The following TRAPPC11 variants were observed in gnomAD, a reference collection of about 807,000 sequenced individuals.
TRAPPC11 encodes the protein foie gras homolog.
A neutral mutation model predicts 151.2 loss-of-function variants in TRAPPC11; 104 were observed. The observed-to-expected ratio is 0.69, with a 90% CI of 0.59 to 0.81. The LOEUF is 0.81. Ranked by LOEUF, TRAPPC11 falls within the 30% of genes least tolerant of loss-of-function variation. The pLI, the probability that TRAPPC11 is intolerant of heterozygous loss-of-function variation, is 0.00. For missense variants in TRAPPC11, 1,230 were observed against 1,349.6 expected, an observed-to-expected ratio of 0.91 and a Z score of 1.39; for synonymous variants, 456 against 472.3, an observed-to-expected ratio of 0.97 and a Z score of 0.45.
At chr4:183,692,914 A>G (rs1399584480) in intron 19 of TRAPPC11, 46 bp from the exon 20 acceptor site, 2 of 1,526,290 alleles carry the variant, frequency 1.3e-6, no homozygotes, top group South Asian at 2.5e-5. Flanking sequence ...GATGGTGACA[A>G]GCACATATGA....
Position 183,701,716 on chromosome 4 carries a change from G to C in TRAPPC11, c.2871G>C (p.Glu957Asp). Residue 957 changes from glutamate to aspartate, a missense_variant, in exon 26 of 30, where the codon GAG becomes GAC. Physicochemically the swap from Glu to Asp is conservative, Grantham distance 45 (BLOSUM62 2). Transcript: ENST00000334690. ...CTGTAGTTATCTTACAGACTGGAGA[G>C]AGTGCTAGTGAATGCTTTTGTCTTC... The part of the protein sequence containing the change: ...QVDNVILQTG[E>D]SASECFCLQC... The C allele has an allele frequency of 6.2e-7, 1 of 1,613,488 alleles. No individual in the cohort carries two copies.
intron 29 of TRAPPC11, among the ~76,000 whole-genome samples, chr4:183,710,904 G>A (rs915675642): frequency 1.3e-5 from 2 of 151,504 alleles, no homozygotes; most frequent in Admixed American, 6.6e-5. Flanking sequence ...TGTGGTGGGC[G>A]CCTGCAATCC....
intron 17 of TRAPPC11, 21 bp downstream of exon 17, chr4:183,685,424 G>C (rs748346788): frequency 1.3e-6 from 2 of 1,596,404 alleles, no homozygotes; most frequent in Non-Finnish European, 1.7e-6. Flanking sequence ...AACATCTACA[G>C]TACTATTTCA....
chr4:183,661,874 A>G (rs952565289), intron 1 of TRAPPC11, among the ~76,000 whole-genome samples: 2 of 145,720 alleles, frequency 1.4e-5, no homozygotes, highest in African/African-American at 5.1e-5. Flanking sequence ...TGATCCTCCC[A>G]TCTCAGCCTC....
rs907465744 is a variant in TRAPPC11, at chr4:183,679,588, A to T, written c.965+102A>T. On this transcript the variant is annotated intron_variant, in intron 9 of 29. Transcript: ENST00000334690. The stretch of plus-strand genomic sequence containing the variant: ...CTAAAACTGAACCAGGTTTTTTGTC[A>T]CTAAGTAGGTTTTTGATGATGTAGC... 21 of 946,440 alleles carry T rather than the reference A, an allele frequency of 2.2e-5. No individual in the cohort carries two copies. In the African/African-American group the frequency reaches 3.4e-4, roughly 15 times the overall value. 58.6% of individuals were successfully genotyped at this position (946,440 alleles called of 1,614,324 possible).
chr4:183,677,566 G>C lies in TRAPPC11; in HGVS notation c.831+12G>C. On this transcript the variant is annotated intron_variant, in intron 8 of 29. Transcript: ENST00000334690. The stretch of plus-strand genomic sequence containing the variant: ...TTATAAACTACAAGGTAATAATTCT[G>C]CTTCCAAATACAGGGAATTTGTGTT... The C allele has an allele frequency of 7.4e-7, 1 of 1,346,200 alleles. No homozygotes were observed. The highest frequency in any genetic ancestry group is 1.2e-5 in the South Asian group (1 of 81,016). 83.4% of individuals were successfully genotyped at this position (1,346,200 alleles called of 1,614,324 possible).
At chr4:183,701,523 TG>T in intron 25 of TRAPPC11, 173 bp from the exon 26 acceptor site, 1 of 549,038 alleles carries the variant, frequency 1.8e-6, no homozygotes, top group Non-Finnish European at 3.2e-6. Context: ...GCAAAAACAG[TG>T]GACTTTGTGA....
rs753857990 is a variant in TRAPPC11 at position 183,691,408 on chromosome 4, C to A, written c.1986C>A (p.Gly662=). ...AAGGAAAGATGTGCCTAGTTCCTGG[C>A]AAAACAAGAAAACTGTTATTTAAGT... ...LTQGKMCLVP[G]KTRKLLFKFV... is the part of the protein sequence containing the mutation. The change falls in exon 19 of 30, where the codon GGC becomes GGA. Residue 662 remains glycine (G), a synonymous_variant. Coordinates refer to ENST00000334690, the MANE Select transcript of TRAPPC11 (RefSeq NM_021942.6). 1 of 1,546,300 alleles carries A rather than the reference C, an allele frequency of 6.5e-7. No homozygotes were observed. Among genetic ancestry groups the A allele is most frequent in the Admixed American group, 1.7e-5 (1 of 58,194 alleles).
chr4:183,682,839 C>T lies in TRAPPC11; in HGVS notation c.1207+14C>T, dbSNP rs1735768312. On this transcript the variant is annotated intron_variant, in intron 11 of 29. Coordinates refer to ENST00000334690, the MANE Select transcript of TRAPPC11 (RefSeq NM_021942.6). ...AAGGAATACTAAGTAAATAATTTTT[C>T]CCTCTGTCCTTTCCTCTCAACCTCA... The T allele has an allele frequency of 1.3e-6, 2 of 1,577,726 alleles. No individual in the cohort carries two copies. The highest frequency in any genetic ancestry group is 8.7e-7 in the Non-Finnish European group (1 of 1,147,316).
chr4:183,662,753 T>C (rs1172895907), intron 1 of TRAPPC11, among the ~76,000 whole-genome samples: 2 of 152,132 alleles, frequency 1.3e-5, no homozygotes, highest in East Asian at 3.9e-4. Flanking sequence ...TTTTCTTTTA[T>C]ATTTTTCTTT....
In TRAPPC11 at chr4:183,704,916, C is replaced by A. The variant is rs926745149; in HGVS notation, c.2964-63C>A. On this transcript the variant is annotated intron_variant, in intron 26 of 29. Coordinates refer to ENST00000334690, the MANE Select transcript of TRAPPC11 (RefSeq NM_021942.6). ...ATACATGTTTCCTGTTTTTGATGAA[C>A]TTCTTTCATAGTTTAAAAAGATGTT... 44 of 1,092,380 alleles carry A rather than the reference C, an allele frequency of 4.0e-5. No individual in the cohort carries two copies. The African/African-American group carries it at 5.3e-4, about 13-fold the overall frequency. 67.7% of individuals were successfully genotyped at this position (1,092,380 alleles called of 1,614,324 possible).
At chr4:183,665,929 CTTTTTTT>C (rs11462767) in intron 2 of TRAPPC11, among the ~76,000 whole-genome samples, 11 of 137,892 alleles carry the variant, frequency 8.0e-5, no homozygotes, top group Non-Finnish European at 1.2e-4. Context: ...AAATGGGCTA[CTTTTTTT>C]TTTTTTTTTT....
At chr4:183,666,521 A>G (rs936456695) in intron 3 of TRAPPC11, 95 bp downstream of exon 3, 8 of 1,283,510 alleles carry the variant, frequency 6.2e-6, no homozygotes, top group African/African-American at 3.0e-5. Flanking sequence ...TTCAGACTGC[A>G]GTGGTCACTT....
chr4:183,702,965 C>T (rs1202476402), intron 26 of TRAPPC11, among the ~76,000 whole-genome samples: 1 of 151,942 alleles, frequency 6.6e-6, no homozygotes, highest in Non-Finnish European at 1.5e-5. Context: ...TCAAAATTGA[C>T]TAAAGGAAAA....
At position 183,684,801 on chromosome 4, in the gene TRAPPC11, A is replaced by G. The variant is rs368801039; in HGVS notation, c.1527A>G (p.Leu509=). 4 of 1,613,974 alleles carry G rather than the reference A, an allele frequency of 2.5e-6. No homozygotes were observed. In the South Asian group the frequency reaches 3.3e-5, roughly 13 times the overall value. The change falls in exon 15 of 30, where the codon TTA becomes TTG. Residue 509 remains leucine, a synonymous_variant. Transcript: ENST00000334690. ...AGTGCTCCTACCTCATGGCCCAATT[A>G]AAGGATTACATTACTTACTCCCTAG... The part of the protein sequence containing the change: ...ALKCSYLMAQ[L]KDYITYSLEL...
At chr4:183,693,249 T>A in intron 20 of TRAPPC11, 102 bp downstream of exon 20, 2 of 1,150,178 alleles carry the variant, frequency 1.7e-6, no homozygotes, top group Non-Finnish European at 1.2e-6. Context: ...TGGAGTGCAG[T>A]GGTGTGATCA....
chr4:183,694,606 G>A lies in TRAPPC11; in HGVS notation c.2511G>A (p.Leu837=), dbSNP rs534970526. 2.5e-6 allele frequency: 4 copies of A among 1,610,876 alleles called. No individual in the cohort carries two copies. The South Asian group carries it at 3.3e-5, about 13-fold the overall frequency. ...TTACAACATTTATTTTGTTACAGCT[G>A]GAAAAAATGTTGTATGTTCGCTGTG... ...PVGDLHPGEQ[L]EKMLYVRCGT... is the part of the protein sequence containing the mutation. Residue 837 remains leucine (L), a splice_region_variant and synonymous_variant, in exon 23 of 30, where the codon CTG becomes CTA. Transcript: ENST00000334690.
chr4:183,671,941 A>G (rs1648728114), intron 5 of TRAPPC11, among the ~76,000 whole-genome samples: 1 of 152,240 alleles, frequency 6.6e-6, no homozygotes, highest in Admixed American at 6.5e-5. Context: ...GATAAATTCT[A>G]TTTCGAGACA....
At chr4:183,697,607 A>T in intron 24 of TRAPPC11, 39 bp downstream of exon 24, 1 of 1,605,270 alleles carries the variant, frequency 6.2e-7, no homozygotes, top group Non-Finnish European at 8.5e-7. Flanking sequence ...CATTTAGGTT[A>T]TAAAAATGGA....
Sources: gnomAD v4.1 joint callset for allele counts (sites outside exome capture counted in the v4.1 genomes callset) on GRCh38, gnomAD v4.1.1 for gene constraint, MANE v1.5 for transcripts, NCBI Gene and HGNC (gene_info 2026-07-23, HGNC 2026-07-21) for gene names.